The following NALF1 variants were observed in gnomAD, a reference collection of about 807,000 sequenced individuals.
NALF1 encodes family with sequence similarity 155 member A.
A neutral mutation model predicts 48.4 loss-of-function variants in NALF1; 3 were observed. The ratio of observed to expected loss-of-function variants is 0.06; its 90% CI spans 0.03 to 0.16. The LOEUF (loss-of-function observed/expected upper bound fraction) is 0.16. Ranked by LOEUF, NALF1 falls within the 10% of genes least tolerant of loss-of-function variation. NALF1 has a pLI of 1.00. For missense variants in NALF1, 526 were observed against 571.5 expected (o/e 0.92, Z 0.81); for synonymous variants, 262 against 245.7 (o/e 1.07, Z -0.62).
At chr13:107,715,484 G>A (rs1316688556) in intron 1 of NALF1, among the ~76,000 whole-genome samples, 1 of 152,176 alleles carries the variant, frequency 6.6e-6, no homozygotes, top group African/African-American at 2.4e-5. Context: ...TTATAGGCGT[G>A]AGCCACCGTC....
rs370269862 is a variant in NALF1 at position 107,462,143 on chromosome 13, T to G, written c.916-251388A>C. 1.8e-3 allele frequency among the ~76,000 whole-genome samples: 274 copies of G among 152,324 alleles called. 10 individuals are homozygous for G. The South Asian group carries it at 0.055, about 30-fold the overall frequency. On this transcript the variant is annotated intron_variant, in intron 1 of 2. Transcript: ENST00000375915. ...CCATAAATGTGTGAATTCTGCCATT[T>G]TGTGTACTCCAAGTTAAAGATCATT...
chr13:107,423,837 T>A (rs1425523326), intron 1 of NALF1, among the ~76,000 whole-genome samples: 2 of 152,200 alleles, frequency 1.3e-5, no homozygotes, highest in African/African-American at 4.8e-5. Context: ...ATAAGACATA[T>A]GTATGATCAT....
intron 1 of NALF1, among the ~76,000 whole-genome samples, chr13:107,558,582 G>T (rs554413853): frequency 6.6e-6 from 1 of 152,156 alleles, no homozygotes; most frequent in Non-Finnish European, 1.5e-5. Context: ...TTGGTTTAAG[G>T]TATGGCTTGA....
intron 1 of NALF1, among the ~76,000 whole-genome samples, chr13:107,295,127 T>C (rs565590333): frequency 6.6e-6 from 1 of 152,290 alleles, no homozygotes; most frequent in Admixed American, 6.5e-5. Context: ...GTAGGTAGTT[T>C]CTCAACCCTT....
chr13:107,779,041 C>G (rs1269634543), intron 1 of NALF1, among the ~76,000 whole-genome samples: 1 of 152,056 alleles, frequency 6.6e-6, no homozygotes, highest in Non-Finnish European at 1.5e-5. Flanking sequence ...TTTTATAGGT[C>G]GAGATTTATG....
chr13:107,235,342 C>G (rs1432475011), intron 1 of NALF1, among the ~76,000 whole-genome samples: 1 of 152,000 alleles, frequency 6.6e-6, no homozygotes, highest in Non-Finnish European at 1.5e-5. Context: ...TTGTCAACAC[C>G]TACTTTTCTT....
At chr13:107,525,905 T>C (rs1471574092) in intron 1 of NALF1, among the ~76,000 whole-genome samples, 2 of 152,120 alleles carry the variant, frequency 1.3e-5, no homozygotes, top group South Asian at 4.1e-4. Flanking sequence ...TGATGTTACA[T>C]TTTGTGCTTA....
At position 107,573,427 on chromosome 13, in the gene NALF1, A is replaced by G. The variant is rs1157416871; in HGVS notation, c.915+292255T>C. Among the ~76,000 whole-genome samples, 10 of 152,204 alleles carry G rather than the reference A, an allele frequency of 6.6e-5. No individual in the cohort carries two copies. In the South Asian group the frequency reaches 1.9e-3, roughly 28 times the overall value. On this transcript the variant is annotated intron_variant, in intron 1 of 2. Coordinates refer to ENST00000375915, the MANE Select transcript of NALF1 (RefSeq NM_001080396.3). ...TTGGCACATAATTGATGACTGGGGC[A>G]AATACCTACTGCACCAAATATACCT...
chr13:107,315,710 T>C (rs575825786), intron 1 of NALF1, among the ~76,000 whole-genome samples: 4 of 152,118 alleles, frequency 2.6e-5, no homozygotes, highest in African/African-American at 9.6e-5. Context: ...TTATTTTCTA[T>C]GCTCAGCTTG....
At chr13:107,216,804 C>A (rs1479033805) in intron 1 of NALF1, among the ~76,000 whole-genome samples, 3 of 152,138 alleles carry the variant, frequency 2.0e-5, no homozygotes, top group Non-Finnish European at 4.4e-5. Flanking sequence ...TCAGTCTGAA[C>A]ATCACAGGGC....
intron 1 of NALF1, among the ~76,000 whole-genome samples, chr13:107,799,117 G>C (rs1878523540): frequency 6.6e-6 from 1 of 152,088 alleles, no homozygotes; most frequent in African/African-American, 2.4e-5. Flanking sequence ...TATATCCACT[G>C]TCTTCTACTT....
At chr13:107,731,075 G>T (rs1453757017) in intron 1 of NALF1, among the ~76,000 whole-genome samples, 1 of 152,144 alleles carries the variant, frequency 6.6e-6, no homozygotes, top group South Asian at 2.1e-4. Context: ...CAGGAACGAG[G>T]AATGTTAGAG....
chr13:107,832,019 C>T (rs1879748041), intron 1 of NALF1, among the ~76,000 whole-genome samples: 1 of 152,110 alleles, frequency 6.6e-6, no homozygotes, highest in South Asian at 2.1e-4. Flanking sequence ...CTAATGATTT[C>T]ATGAAGTCCA....
intron 1 of NALF1, among the ~76,000 whole-genome samples, chr13:107,783,837 G>C: frequency 7.0e-6 from 1 of 141,956 alleles, no homozygotes; most frequent in South Asian, 2.2e-4. Context: ...CCCTCTCTGT[G>C]AGAAACACCC....
intron 1 of NALF1, among the ~76,000 whole-genome samples, chr13:107,715,759 A>G (rs556390232): frequency 1.6e-4 from 25 of 152,312 alleles, no homozygotes; most frequent in African/African-American, 5.8e-4. Context: ...ACGTCTTTAC[A>G]CTTGCCAATG....
intron 1 of NALF1, among the ~76,000 whole-genome samples, chr13:107,836,055 G>A (rs1010163099): frequency 1.3e-5 from 2 of 152,070 alleles, no homozygotes; most frequent in Admixed American, 6.5e-5. Flanking sequence ...GCAATGATGC[G>A]ATCATACCTC....
intron 1 of NALF1, among the ~76,000 whole-genome samples, chr13:107,512,081 A>G (rs1185950058): frequency 2.0e-5 from 3 of 152,250 alleles, no homozygotes; most frequent in Admixed American, 2.0e-4. Flanking sequence ...TTGCACTAAC[A>G]AAGTGATCTT....
intron 1 of NALF1, among the ~76,000 whole-genome samples, chr13:107,735,360 A>G (rs1388773384): frequency 6.6e-6 from 1 of 152,204 alleles, no homozygotes; most frequent in African/African-American, 2.4e-5. Context: ...TTGGATGAGT[A>G]AAATAATTAA....
intron 1 of NALF1, among the ~76,000 whole-genome samples, chr13:107,849,277 T>C (rs1483801190): frequency 6.6e-6 from 1 of 152,202 alleles, no homozygotes; most frequent in Non-Finnish European, 1.5e-5. Flanking sequence ...CTAGGTGACT[T>C]GTCAGAGGTT....
Sources: allele counts gnomAD v4.1 joint callset (sites outside exome capture counted in the v4.1 genomes callset), GRCh38; gene constraint gnomAD v4.1.1; transcripts MANE v1.5; gene names NCBI Gene and HGNC (gene_info 2026-07-23, HGNC 2026-07-21).